Variants in ZFHX3 observed in about 807,000 individuals in gnomAD.
The protein encoded by ZFHX3 is zinc finger homeobox protein 3.
A neutral mutation model predicts 279.1 loss-of-function variants in ZFHX3; 42 were observed. The ratio of observed to expected loss-of-function variants is 0.15; its 90% confidence interval spans 0.12 to 0.19. The LOEUF (loss-of-function observed/expected upper bound fraction) is 0.19, where lower values mean the gene tolerates loss of function less well. Ranked by LOEUF, ZFHX3 falls within the 10% of genes least tolerant of loss-of-function variation. The pLI is 1.00. For missense variants in ZFHX3, 4,981 were observed against 4,754.0 expected (o/e 1.05, Z -1.40); for synonymous variants, 2,293 against 1,957.8 (o/e 1.17, Z -4.52).
intron 1 of ZFHX3, among the ~76,000 whole-genome samples, chr16:73,876,919 A>C (rs1255130957): frequency 2.0e-5 from 3 of 152,030 alleles, no homozygotes; most frequent in Non-Finnish European, 4.4e-5. Context: ...AGAGTTGTAC[A>C]TTTGCAAGCA....
intron 4 of ZFHX3, 66 bp from the exon 5 acceptor site, chr16:72,829,925 G>A (rs1431074392): frequency 6.4e-7 from 1 of 1,569,280 alleles, no homozygotes; most frequent in African/African-American, 1.4e-5. Flanking sequence ...TTTGGCCTCT[G>A]TTGCAAACAA....
At chr16:73,775,348 C>A (rs903825138) in intron 1 of ZFHX3, among the ~76,000 whole-genome samples, 1 of 152,134 alleles carries the variant, frequency 6.6e-6, no homozygotes, top group Non-Finnish European at 1.5e-5. Context: ...GTTATATAAG[C>A]GCATCGTTTC....
intron 4 of ZFHX3, among the ~76,000 whole-genome samples, chr16:72,879,454 C>T (rs1391895141): frequency 5.3e-5 from 8 of 152,118 alleles, no homozygotes; most frequent in Non-Finnish European, 7.4e-5. Flanking sequence ...GAGACGGAGT[C>T]TCGCTCTGTC....
chr16:73,817,926 C>T (rs1023389386), intron 1 of ZFHX3, among the ~76,000 whole-genome samples: 1 of 152,186 alleles, frequency 6.6e-6, no homozygotes, highest in African/African-American at 2.4e-5. Flanking sequence ...GGTTACCATT[C>T]AACCACGGCC....
At chr16:73,415,697 C>A (rs2017557453) in intron 3 of ZFHX3, among the ~76,000 whole-genome samples, 2 of 152,304 alleles carry the variant, frequency 1.3e-5, no homozygotes, top group South Asian at 4.1e-4. Context: ...CCCGTCACCG[C>A]CCCATGTTCG....
intron 1 of ZFHX3, among the ~76,000 whole-genome samples, chr16:73,682,016 C>G (rs117505915): frequency 2.0e-5 from 3 of 149,882 alleles, no homozygotes; most frequent in Non-Finnish European, 4.4e-5. Flanking sequence ...AAGCCCTTAA[C>G]GGAATGTCTG....
At chr16:73,753,143 G>A (rs1267329107) in intron 1 of ZFHX3, among the ~76,000 whole-genome samples, 1 of 152,162 alleles carries the variant, frequency 6.6e-6, no homozygotes, top group African/African-American at 2.4e-5. Context: ...CTTAAGACAT[G>A]TGTTCCATAA....
At chr16:73,815,199 C>T (rs1007745118) in intron 1 of ZFHX3, among the ~76,000 whole-genome samples, 1 of 152,194 alleles carries the variant, frequency 6.6e-6, no homozygotes, top group Non-Finnish European at 1.5e-5. Context: ...AATATCTCAT[C>T]CAGTTTGACT....
At chr16:73,588,540 A>G (rs948196660) in intron 2 of ZFHX3, among the ~76,000 whole-genome samples, 1 of 151,608 alleles carries the variant, frequency 6.6e-6, no homozygotes, top group African/African-American at 2.4e-5. Flanking sequence ...TAAAAAAAAT[A>G]TTAGCCGGGT....
intron 3 of ZFHX3, among the ~76,000 whole-genome samples, chr16:73,389,987 G>C (rs544552497): frequency 6.6e-6 from 1 of 152,304 alleles, no homozygotes; most frequent in African/African-American, 2.4e-5. Flanking sequence ...TTGAACTTGG[G>C]AGGCGGATGT....
intron 5 of ZFHX3, among the ~76,000 whole-genome samples, chr16:73,227,631 T>C (rs895531183): frequency 6.6e-6 from 1 of 151,904 alleles, no homozygotes; most frequent in African/African-American, 2.4e-5. Context: ...GGTGGATTGA[T>C]TGAGCTCACG....
chr16:73,401,563 G>GGGAC (rs2017256017), intron 3 of ZFHX3: 1 of 152,044 alleles, frequency 6.6e-6, no homozygotes, highest in South Asian at 2.1e-4. Context: ...GCAGCGACAG[G>GGGAC]GGACGTGCTG....
At chr16:72,856,798 G>A (rs2037765013) in intron 4 of ZFHX3, among the ~76,000 whole-genome samples, 1 of 152,150 alleles carries the variant, frequency 6.6e-6, no homozygotes, top group South Asian at 2.1e-4. Flanking sequence ...CATGTTGCAG[G>A]AACAGCCTGG....
At chr16:73,737,852 A>C (rs2053622359) in intron 1 of ZFHX3, among the ~76,000 whole-genome samples, 1 of 152,192 alleles carries the variant, frequency 6.6e-6, no homozygotes, top group Non-Finnish European at 1.5e-5. Context: ...AGGAGAAGGG[A>C]AAAAGAGATA....
rs186392983 is a variant in ZFHX3 at position 73,320,464 on chromosome 16, A to C, written c.-1290-2128T>G. 2.9e-3 allele frequency among the ~76,000 whole-genome samples: 446 copies of C among 152,356 alleles called. 1 individual carries two copies. Among genetic ancestry groups the C allele is most frequent in the Non-Finnish European group, 3.6e-3 (247 of 68,034 alleles). On this transcript the variant is annotated intron_variant, in intron 3 of 17. Coordinates refer to the ZFHX3 transcript ENST00000641206. ...AAAGTCCATTGACAGCTACAGATCC[A>C]CATCATCTCACATTTGAGCTAGTGG...
intron 4 of ZFHX3, chr16:73,294,161 C>G (rs1040478062): frequency 6.6e-6 from 1 of 152,096 alleles, no homozygotes; most frequent in Non-Finnish European, 1.5e-5. Flanking sequence ...ATATACAGTA[C>G]TATACATTTG....
intron 2 of ZFHX3, among the ~76,000 whole-genome samples, chr16:73,660,069 C>T (rs1415306590): frequency 1.3e-5 from 2 of 152,170 alleles, no homozygotes; most frequent in African/African-American, 4.8e-5. Flanking sequence ...AAGCCCTCTG[C>T]GTTGGCATAT....
chr16:73,478,748 T>G (rs1004373357), intron 2 of ZFHX3, among the ~76,000 whole-genome samples: 3 of 152,062 alleles, frequency 2.0e-5, no homozygotes, highest in African/African-American at 7.2e-5. Context: ...CACAGACCAC[T>G]CCCCAGATAA....
chr16:73,822,104 T>C (rs1210500266), intron 1 of ZFHX3, among the ~76,000 whole-genome samples: 1 of 152,162 alleles, frequency 6.6e-6, no homozygotes, highest in African/African-American at 2.4e-5. Context: ...ATCATCAGTG[T>C]CCAGTACAAT....
Sources: gnomAD v4.1 joint callset for allele counts (sites outside exome capture counted in the v4.1 genomes callset) on GRCh38, gnomAD v4.1.1 for gene constraint, MANE v1.5 for transcripts, NCBI Gene and HGNC (gene_info 2026-07-23, HGNC 2026-07-21) for gene names.